Variants in MGLL observed in about 807,000 individuals in gnomAD.
MGLL encodes the protein lysophospholipase homolog.
In MGLL, 7 loss-of-function variants were observed where a neutral mutation model predicts 29.1. The observed-to-expected ratio is 0.24, with a 90% CI of 0.14 to 0.45. The LOEUF is 0.45. Among genes scored for constraint, MGLL ranks in the 20% least tolerant of loss-of-function variants. The probability of loss-of-function intolerance (pLI) is 0.99; values close to 1 mark genes in which losing one functional copy is unlikely to be tolerated. For synonymous variants in MGLL, 148 were observed against 168.3 expected (o/e 0.88, Z 0.93); for missense variants, 356 against 413.6 (o/e 0.86, Z 1.21).
chr3:127,785,931 G>A (rs1264155232), intron 2 of MGLL, among the ~76,000 whole-genome samples: 1 of 152,222 alleles, frequency 6.6e-6, no homozygotes, highest in African/African-American at 2.4e-5. Context: ...CTAGACTCCA[G>A]GGAATAGCCA....
intron 3 of MGLL, among the ~76,000 whole-genome samples, chr3:127,750,698 TGAGTGAAGGCTAATTGTTTTGTC>T (rs2076542264): frequency 6.6e-6 from 1 of 151,706 alleles, no homozygotes; most frequent in South Asian, 2.1e-4. Context: ...TCTGAGTAAT[TGAGTGAAGGCTAATTGTTTTGTC>T]CTTTGGGTTT....
intron 3 of MGLL, among the ~76,000 whole-genome samples, chr3:127,746,967 C>T (rs567612355): frequency 4.5e-4 from 69 of 152,276 alleles, no homozygotes; most frequent in African/African-American, 1.4e-3. Context: ...CCTGAACCTG[C>T]GCAAACAAGT....
intron 2 of MGLL, among the ~76,000 whole-genome samples, chr3:127,819,573 G>A (rs1461619223): frequency 6.6e-6 from 1 of 152,112 alleles, no homozygotes; most frequent in East Asian, 1.9e-4. Flanking sequence ...GAGGAGACAG[G>A]ATTGCACAAA....
chr3:127,807,131 T>C (rs1181781511), intron 2 of MGLL, among the ~76,000 whole-genome samples: 2 of 152,200 alleles, frequency 1.3e-5, no homozygotes, highest in African/African-American at 4.8e-5. Flanking sequence ...TTTTTCTTTG[T>C]TGGTAGTTTT....
intron 3 of MGLL, among the ~76,000 whole-genome samples, chr3:127,762,422 T>A (rs141969555): frequency 1.3e-5 from 2 of 152,188 alleles, no homozygotes; most frequent in African/African-American, 4.8e-5. Context: ...TTAAGGGCTG[T>A]GTCAAAGCGA....
intron 7 of MGLL, among the ~76,000 whole-genome samples, chr3:127,694,319 ATATATATATGTGTATATATATGTATGTG>A (rs1364140917): frequency 0.064 from 6,336 of 99,430 alleles, 450 homozygotes; most frequent in African/African-American, 0.17. Context: ...GTATGTGTGT[ATATATATATGTGTATATATATGTATGTG>A]TATATATATG....
intron 4 of MGLL, 110 bp downstream of exon 4, chr3:127,722,320 T>C (rs913397104): frequency 2.7e-5 from 40 of 1,482,490 alleles, no homozygotes; most frequent in South Asian, 4.6e-5. Flanking sequence ...GGAGACATCA[T>C]GCCAGCCAGG....
At chr3:127,809,914 A>G (rs754496645) in intron 2 of MGLL, among the ~76,000 whole-genome samples, 60 of 152,316 alleles carry the variant, frequency 3.9e-4, no homozygotes, top group Middle Eastern at 3.4e-3. Context: ...ACAGAGAAGT[A>G]CGGATGTGAA....
At chr3:127,714,761 G>C (rs78266097) in intron 5 of MGLL, among the ~76,000 whole-genome samples, 1 of 152,156 alleles carries the variant, frequency 6.6e-6, no homozygotes, top group African/African-American at 2.4e-5. Context: ...GAGGGGACCC[G>C]GGTGGATACA....
chr3:127,758,517 T>C (rs897078268), intron 3 of MGLL, among the ~76,000 whole-genome samples: 1 of 152,234 alleles, frequency 6.6e-6, no homozygotes, highest in Admixed American at 6.5e-5. Flanking sequence ...CTAGAAGTTT[T>C]TCAAGCTAGA....
intron 3 of MGLL, among the ~76,000 whole-genome samples, chr3:127,744,807 C>T (rs2076411400): frequency 6.6e-6 from 1 of 152,130 alleles, no homozygotes; most frequent in South Asian, 2.1e-4. Flanking sequence ...ATATTCAGAA[C>T]CAAATGAAGA....
chr3:127,762,343 T>C (rs1243395102), intron 3 of MGLL, among the ~76,000 whole-genome samples: 1 of 152,096 alleles, frequency 6.6e-6, no homozygotes, highest in Non-Finnish European at 1.5e-5. Context: ...TCACATGCTG[T>C]TTGAGCTCCC....
At chr3:127,696,687 T>C (rs1387440510) in intron 6 of MGLL, among the ~76,000 whole-genome samples, 1 of 152,018 alleles carries the variant, frequency 6.6e-6, no homozygotes, top group Non-Finnish European at 1.5e-5. Flanking sequence ...GTGCTGGGAT[T>C]ATAGGCATGA....
intron 2 of MGLL, among the ~76,000 whole-genome samples, chr3:127,801,744 T>G (rs960660727): frequency 6.7e-6 from 1 of 149,538 alleles, no homozygotes; most frequent in Admixed American, 6.7e-5. Context: ...AAAATATATA[T>G]GTATATGTTA....
rs2075944088 is a variant in MGLL at position 127,722,340 on chromosome 3, G to A, written c.399+90C>T. On this transcript the variant is annotated intron_variant, in intron 4 of 7. Transcript: ENST00000265052. ...CATCATGCCAGCCAGGCAGAGAGCA[G>A]TGGGGGGCAGGAAGTCAGGGCCACC... The A allele has an allele frequency of 2.6e-6, 4 of 1,553,632 alleles. No homozygotes were observed. In the East Asian group the frequency reaches 9.0e-5, roughly 35 times the overall value.
At chr3:127,749,918 G>C (rs193165339) in intron 3 of MGLL, among the ~76,000 whole-genome samples, 2 of 152,296 alleles carry the variant, frequency 1.3e-5, no homozygotes, top group African/African-American at 4.8e-5. Context: ...CCTAGCAAAG[G>C]GGACAGCAAG....
At chr3:127,798,202 C>T (rs570746739) in intron 2 of MGLL, among the ~76,000 whole-genome samples, 127 of 152,288 alleles carry the variant, frequency 8.3e-4, no homozygotes, top group Non-Finnish European at 6.8e-4. Context: ...ACCCACTGTC[C>T]AGAGTTTTGT....
intron 2 of MGLL, among the ~76,000 whole-genome samples, chr3:127,821,436 G>A (rs2077858049): frequency 6.6e-6 from 1 of 152,118 alleles, no homozygotes; most frequent in East Asian, 1.9e-4. Flanking sequence ...AAGTCATGTG[G>A]AATTTTTGAA....
At chr3:127,710,128 C>A (rs79641504) in intron 6 of MGLL, among the ~76,000 whole-genome samples, 8,169 of 152,224 alleles carry the variant, frequency 0.054, 246 homozygotes, top group East Asian at 0.12. Context: ...GCCCTCTTGG[C>A]CTTCACTGGG....
Sources: gnomAD v4.1 joint callset for allele counts (sites outside exome capture counted in the v4.1 genomes callset) on GRCh38, gnomAD v4.1.1 for gene constraint, MANE v1.5 for transcripts, NCBI Gene and HGNC (gene_info 2026-07-23, HGNC 2026-07-21) for gene names.